The following KCNIP4 variants were observed in gnomAD, a reference collection of about 807,000 sequenced individuals.
KCNIP4 encodes the protein Kv channel-interacting protein 4.
A neutral mutation model predicts 34.0 loss-of-function variants in KCNIP4; 12 were observed. The ratio of observed to expected loss-of-function variants is 0.35; its 90% CI spans 0.23 to 0.57. KCNIP4 has a LOEUF of 0.57. Ranked by LOEUF, KCNIP4 falls within the 20% of genes least tolerant of loss-of-function variation. The pLI is 0.83. For missense variants in KCNIP4, 238 were observed against 311.7 expected (o/e 0.76, Z 1.78); for synonymous variants, 124 against 102.2 (o/e 1.21, Z -1.29).
chr4:21,428,794 T>C (rs1726152566), intron 1 of KCNIP4, among the ~76,000 whole-genome samples: 1 of 152,180 alleles, frequency 6.6e-6, no homozygotes, highest in East Asian at 1.9e-4. Flanking sequence ...ATTTCTGAAA[T>C]GCTATTTGAT....
At chr4:21,537,244 C>A (rs116376303) in intron 1 of KCNIP4, among the ~76,000 whole-genome samples, 2 of 152,114 alleles carry the variant, frequency 1.3e-5, no homozygotes, top group Admixed American at 6.5e-5. Context: ...GTACCTCAAA[C>A]CTTTCTGGTC....
intron 1 of KCNIP4, among the ~76,000 whole-genome samples, chr4:21,608,511 CCTT>C (rs1375109436): frequency 6.6e-6 from 1 of 152,144 alleles, no homozygotes; most frequent in Non-Finnish European, 1.5e-5. Context: ...GTGGCCGAGT[CCTT>C]CTTACATCAA....
At chr4:20,919,032 T>C (rs1485099117) in intron 1 of KCNIP4, among the ~76,000 whole-genome samples, 2 of 152,234 alleles carry the variant, frequency 1.3e-5, no homozygotes, top group East Asian at 3.9e-4. Context: ...TTTTCTTTTC[T>C]TGTTTTTTAC....
chr4:21,662,939 T>C (rs561391060), intron 1 of KCNIP4, among the ~76,000 whole-genome samples: 100 of 152,298 alleles, frequency 6.6e-4, no homozygotes, highest in Middle Eastern at 3.4e-3. Flanking sequence ...ACATCAATAA[T>C]TTGAATTATA....
At chr4:21,224,606 A>G (rs1209278315) in intron 1 of KCNIP4, among the ~76,000 whole-genome samples, 1 of 38,878 alleles carries the variant, frequency 2.6e-5, no homozygotes, top group African/African-American at 2.2e-4. Flanking sequence ...TTTTTTTTTC[A>G]GATGGAGTCT....
At chr4:21,357,649 C>T (rs937915215) in intron 1 of KCNIP4, among the ~76,000 whole-genome samples, 7 of 152,118 alleles carry the variant, frequency 4.6e-5, no homozygotes, top group African/African-American at 9.7e-5. Context: ...GAATGGTGAT[C>T]ATTGAAAGGT....
intron 3 of KCNIP4, among the ~76,000 whole-genome samples, chr4:20,809,547 A>G (rs1204844816): frequency 1.3e-5 from 2 of 151,832 alleles, no homozygotes; most frequent in African/African-American, 4.8e-5. Flanking sequence ...CTTTCTCTTC[A>G]CTCTTGAAAT....
intron 1 of KCNIP4, among the ~76,000 whole-genome samples, chr4:21,264,756 C>T (rs983011128): frequency 9.2e-5 from 14 of 152,022 alleles, no homozygotes; most frequent in South Asian, 4.2e-4. Flanking sequence ...CTTAGCCTGG[C>T]GAGAAGGTGC....
intron 5 of KCNIP4, among the ~76,000 whole-genome samples, chr4:20,746,638 T>G (rs1434454819): frequency 6.6e-6 from 1 of 152,180 alleles, no homozygotes; most frequent in Non-Finnish European, 1.5e-5. Flanking sequence ...CTTTTTCATT[T>G]TTACATTATC....
At chr4:20,900,849 AT>A (rs1727087515) in intron 1 of KCNIP4, among the ~76,000 whole-genome samples, 1 of 152,172 alleles carries the variant, frequency 6.6e-6, no homozygotes, top group Non-Finnish European at 1.5e-5. Flanking sequence ...GAGAAAAGAT[AT>A]CTGGAGAAAG....
chr4:20,871,175 G>T (rs949518061), intron 2 of KCNIP4, among the ~76,000 whole-genome samples: 6 of 152,038 alleles, frequency 3.9e-5, no homozygotes, highest in African/African-American at 1.4e-4. Flanking sequence ...CATTGGTCAA[G>T]GTACAATGGA....
intron 1 of KCNIP4, among the ~76,000 whole-genome samples, chr4:21,749,755 A>G (rs1019402123): frequency 6.6e-6 from 1 of 152,102 alleles, no homozygotes; most frequent in African/African-American, 2.4e-5. Flanking sequence ...CTTTGGGTAG[A>G]AAGAACAGCA....
At chr4:20,871,187 A>G (rs1207984501) in intron 2 of KCNIP4, among the ~76,000 whole-genome samples, 1 of 152,116 alleles carries the variant, frequency 6.6e-6, no homozygotes, top group South Asian at 2.1e-4. Flanking sequence ...TACAATGGAC[A>G]TTAGAATGAA....
In KCNIP4 at chr4:21,196,341, T is replaced by C. The variant is rs115110248; in HGVS notation, c.62-313632A>G. Among the ~76,000 whole-genome samples, 476 of 152,312 alleles carry C rather than the reference T, an allele frequency of 3.1e-3. 5 individuals carry two copies. The highest frequency in any genetic ancestry group is 0.01 in the Middle Eastern group (3 of 294). On this transcript the variant is annotated intron_variant, in intron 1 of 8. Coordinates refer to ENST00000382152, the MANE Select transcript of KCNIP4 (RefSeq NM_025221.6). Reference sequence around the variant, plus strand: ...TAATCAGCTTTGGCATATTTTCTCATAGTAAGTATTTACCCTTTTGCCTTT... The same window carrying C: ...TAATCAGCTTTGGCATATTTTCTCACAGTAAGTATTTACCCTTTTGCCTTT...
At chr4:21,447,878 G>A (rs778669334) in intron 1 of KCNIP4, among the ~76,000 whole-genome samples, 13 of 152,240 alleles carry the variant, frequency 8.5e-5, no homozygotes, top group Non-Finnish European at 1.8e-4. Context: ...ATCCCAGGCA[G>A]GATGGAGTGG....
chr4:21,248,596 T>C (rs1409178185), intron 1 of KCNIP4, among the ~76,000 whole-genome samples: 1 of 152,142 alleles, frequency 6.6e-6, no homozygotes, highest in Non-Finnish European at 1.5e-5. Flanking sequence ...TTTCCTTTTA[T>C]AGCAGTGCCT....
rs574996406 is a variant in KCNIP4, at chr4:21,863,229, A to G, written c.61+85342T>C. 6.6e-5 allele frequency among the ~76,000 whole-genome samples: 10 copies of G among 151,586 alleles called. No homozygotes were observed. In the East Asian group the frequency reaches 2.0e-3, roughly 30 times the overall value. On this transcript the variant is annotated intron_variant, in intron 1 of 8. Transcript: ENST00000382152. ...GCAGCTTTTGGTAAGTGTGTTATCC[A>G]TATATATGGCTAATAAATTCCACGG...
At chr4:21,253,403 A>G (rs547493438) in intron 1 of KCNIP4, among the ~76,000 whole-genome samples, 5 of 152,322 alleles carry the variant, frequency 3.3e-5, no homozygotes, top group Admixed American at 6.5e-5. Context: ...TATTGATGAC[A>G]TCATGTGTTA....
chr4:21,871,836 C>A (rs868646760), intron 1 of KCNIP4, among the ~76,000 whole-genome samples: 1 of 129,662 alleles, frequency 7.7e-6, no homozygotes, highest in Non-Finnish European at 1.6e-5. Flanking sequence ...GTTCACTGAT[C>A]CCCTCTCCTC....
Sources: gnomAD v4.1 joint callset for allele counts (sites outside exome capture counted in the v4.1 genomes callset) on GRCh38, gnomAD v4.1.1 for gene constraint, MANE v1.5 for transcripts, NCBI Gene and HGNC (gene_info 2026-07-23, HGNC 2026-07-21) for gene names.